RUFY3: variants seen among roughly 807,000 people sequenced by gnomAD.
The protein encoded by RUFY3 is RUN and FYVE domain containing 3, also known as protein RUFY3.
A neutral mutation model predicts 84.0 loss-of-function variants in RUFY3; 34 were observed. The observed-to-expected ratio is 0.40, with a 90% CI of 0.31 to 0.54. The LOEUF (loss-of-function observed/expected upper bound fraction) is 0.54. Among genes scored for constraint, RUFY3 ranks in the 20% least tolerant of loss-of-function variants. RUFY3 has a pLI of 0.39. For missense variants in RUFY3, 507 were observed against 736.8 expected, an observed-to-expected ratio of 0.69 and a Z score of 3.61; for synonymous variants, 242 against 252.9, an observed-to-expected ratio of 0.96 and a Z score of 0.41.
chr4:70,733,095 G>GGAGAGAGAGA (rs1203024723), intron 1 of RUFY3, among the ~76,000 whole-genome samples: 2 of 61,706 alleles, frequency 3.2e-5, no homozygotes, highest in Non-Finnish European at 6.0e-5. Flanking sequence ...GAGAGAGAGA[G>GGAGAGAGAGA]GAGAGAGAGA....
At chr4:70,746,994 T>G (rs1462655941) in intron 1 of RUFY3, among the ~76,000 whole-genome samples, 2 of 152,216 alleles carry the variant, frequency 1.3e-5, no homozygotes, top group Non-Finnish European at 2.9e-5. Flanking sequence ...TAATTCAACA[T>G]CAGTATACTG....
chr4:70,794,034 A>G (rs1194595100), intron 13 of RUFY3, 130 bp downstream of exon 13: 4 of 996,806 alleles, frequency 4.0e-6, no homozygotes, highest in Non-Finnish European at 4.3e-6. Flanking sequence ...CTGGAATTGG[A>G]ATTCAGAAAG....
chr4:70,793,539 TA>T (rs199792547), intron 12 of RUFY3: 213 of 1,361,738 alleles, frequency 1.6e-4, no homozygotes, highest in Non-Finnish European at 1.8e-4. Flanking sequence ...AGTACTAGAA[TA>T]AAAAAAATGG....
intron 1 of RUFY3, among the ~76,000 whole-genome samples, chr4:70,748,401 C>T (rs1192817688): frequency 6.6e-6 from 1 of 152,172 alleles, no homozygotes; most frequent in Non-Finnish European, 1.5e-5. Context: ...TCAAGTACTG[C>T]AGTATATTGA....
At chr4:70,733,087 G>C (rs1040835882) in intron 1 of RUFY3, among the ~76,000 whole-genome samples, 19 of 85,214 alleles carry the variant, frequency 2.2e-4, no homozygotes, top group Non-Finnish European at 4.0e-4. Context: ...GAGAGAGAGA[G>C]AGAGAGAGGA....
chr4:70,779,920 T>G lies in RUFY3; in HGVS notation c.894+1482T>G, dbSNP rs76394435. Among the ~76,000 whole-genome samples, 75 of 152,294 alleles carry G rather than the reference T, an allele frequency of 4.9e-4. 1 individual carries two copies. The East Asian group carries it at 0.014, about 28-fold the overall frequency. ...AATGATGCCCTTACACCCCATGGGATGAATTTAGTTTAAATAAAATCAAAT... is the reference window on the plus strand; with the variant it reads ...AATGATGCCCTTACACCCCATGGGAGGAATTTAGTTTAAATAAAATCAAAT... On this transcript the variant is annotated intron_variant, in intron 8 of 17. Transcript: ENST00000381006.
intron 7 of RUFY3, among the ~76,000 whole-genome samples, chr4:70,777,583 T>A (rs915701872): frequency 6.6e-6 from 1 of 152,176 alleles, no homozygotes; most frequent in Non-Finnish European, 1.5e-5. Flanking sequence ...TATAATGACT[T>A]TAATGAACTA....
chr4:70,749,823 G>T (rs1158886531), intron 1 of RUFY3, among the ~76,000 whole-genome samples: 1 of 151,374 alleles, frequency 6.6e-6, no homozygotes, highest in Non-Finnish European at 1.5e-5. Context: ...CTAATTTTTT[G>T]TGTGTTTTTT....
chr4:70,749,382 T>C (rs1193497846), intron 1 of RUFY3, among the ~76,000 whole-genome samples: 1 of 152,138 alleles, frequency 6.6e-6, no homozygotes, highest in African/African-American at 2.4e-5. Context: ...TAGGGAACTC[T>C]TGTGCAAGCT....
intron 10 of RUFY3, 78 bp downstream of exon 10, chr4:70,784,957 C>T (rs113411231): frequency 0.011 from 10,260 of 965,942 alleles, 75 homozygotes; most frequent in Non-Finnish European, 0.013. Flanking sequence ...ATCATACAGA[C>T]CAAGATTAGG....
Position 70,788,789 on chromosome 4 carries a change from CTT to C in RUFY3, c.1072-16_1072-15del. ...GAAGGAACAGAGTGTAAGCAATTTA[CTT>C]ACCTTTGGGGGCAGGATGTTGAGAA... On this transcript the variant is annotated splice_polypyrimidine_tract_variant and intron_variant, in intron 10 of 17. Transcript: ENST00000381006. 5 of 1,612,654 alleles carry C rather than the reference CTT, an allele frequency of 3.1e-6. No individual in the cohort carries two copies. The highest frequency in any genetic ancestry group is 3.4e-6 in the Non-Finnish European group (4 of 1,179,184).
intron 1 of RUFY3, among the ~76,000 whole-genome samples, chr4:70,732,570 T>C (rs938889351): frequency 3.3e-5 from 5 of 152,122 alleles, no homozygotes; most frequent in African/African-American, 1.2e-4. Context: ...TGGAATACTA[T>C]GCAGCCATAA....
chr4:70,747,836 G>T (rs1722479642), intron 1 of RUFY3, among the ~76,000 whole-genome samples: 1 of 152,146 alleles, frequency 6.6e-6, no homozygotes, highest in African/African-American at 2.4e-5. Context: ...GCAACATAGT[G>T]AGACCTTGTC....
At chr4:70,733,107 AGAGAGAGAGAGAGGGAGGGAGGGAGGGAG>A (rs1719638966) in intron 1 of RUFY3, among the ~76,000 whole-genome samples, 1 of 85,004 alleles carries the variant, frequency 1.2e-5, no homozygotes, top group African/African-American at 5.4e-5. Context: ...AGAGAGAGAG[AGAGAGAGAGAGAGGGAGGGAGGGAGGGAG>A]GGAGAGAGAG....
At position 70,723,008 on chromosome 4, in the gene RUFY3, A is replaced by G. The variant is rs7692094; in HGVS notation, c.178+257A>G. On this transcript the variant is annotated intron_variant, in intron 1 of 17. Transcript: ENST00000381006. ...GAGTTCTTTGTCTTTAAGCCTCTAA[A>G]TAAAACATTTGAGGTCACTTATCAC... Among the ~76,000 whole-genome samples the G allele has an allele frequency of 0.066, 10,072 of 152,252 alleles. 884 individuals carry two copies. The highest frequency in any genetic ancestry group is 0.2 in the African/African-American group (8,361 of 41,512).
chr4:70,796,951 T>C (rs72655610), intron 14 of RUFY3, among the ~76,000 whole-genome samples: 18,886 of 146,294 alleles, frequency 0.13, 1,579 homozygotes, highest in Middle Eastern at 0.19. Context: ...CTTTTCTTTT[T>C]TTTTTTTTTG....
Position 70,806,830 on chromosome 4 carries a change from ATTTT to A in RUFY3, c.*172_*175del. The A allele has an allele frequency of 1.5e-6, 1 of 675,320 alleles. No homozygotes were observed. The allele number at this position is 675,320 out of a possible 1,614,324, so 41.8% of individuals were successfully genotyped here. ...GTTGGGGTTACTGGAAATTTTGCTC[ATTTT>A]CTCTAATGACTGTATGAATAAAAGT... On this transcript the variant is annotated 3_prime_UTR_variant, in exon 18 of 18. Transcript: ENST00000381006.
chr4:70,751,151 G>A (rs1377060411), intron 1 of RUFY3, among the ~76,000 whole-genome samples: 4 of 152,002 alleles, frequency 2.6e-5, no homozygotes, highest in Non-Finnish European at 5.9e-5. Flanking sequence ...TGAGATTTGG[G>A]GTATGATGGA....
chr4:70,735,739 C>G (rs1194976032), intron 1 of RUFY3, among the ~76,000 whole-genome samples: 1 of 152,028 alleles, frequency 6.6e-6, no homozygotes, highest in African/African-American at 2.4e-5. Flanking sequence ...GTAATCCCAG[C>G]ACTTTCAGAG....
Sources: allele counts gnomAD v4.1 joint callset (sites outside exome capture counted in the v4.1 genomes callset), GRCh38; gene constraint gnomAD v4.1.1; transcripts MANE v1.5; gene names NCBI Gene and HGNC (gene_info 2026-07-23, HGNC 2026-07-21).